NDUFAF6: variants seen among roughly 807,000 people sequenced by gnomAD.
NDUFAF6 encodes the protein NADH dehydrogenase (ubiquinone) complex I, assembly factor 6.
NDUFAF6 carries 45 observed loss-of-function variants against 40.8 expected under a neutral mutation model. The ratio of observed to expected loss-of-function variants is 1.10; its 90% CI spans 0.87 to 1.42. The LOEUF is 1.42. NDUFAF6 is among the 40% of genes most tolerant of loss of function. The pLI, the probability that NDUFAF6 is intolerant of heterozygous loss-of-function variation, is 0.00. For synonymous variants in NDUFAF6, 185 were observed against 155.9 expected (o/e 1.19, Z -1.39); for missense variants, 435 against 418.5 (o/e 1.04, Z -0.34).
At chr8:95,072,138 A>G (rs1832886812) in intron 9 of NDUFAF6, 1 of 152,186 alleles carries the variant, frequency 6.6e-6, no homozygotes, top group Non-Finnish European at 1.5e-5. Context: ...TCTCAATAAA[A>G]TGTTAGTTTC....
rs1388115171 is a variant in NDUFAF6, at chr8:94,967,163, T to C, written c.-199+8984T>C. Among the ~76,000 whole-genome samples the C allele has an allele frequency of 3.9e-5, 6 of 152,238 alleles. No individual in the cohort carries two copies. In the South Asian group the frequency reaches 6.2e-4, roughly 16 times the overall value. On this transcript the variant is annotated intron_variant, in intron 1 of 9. Transcript: ENST00000396111. ...TCATTAGGATGCTTTTAGTTACAAGTTCTTGAAAGCTGAGACCAAACTAGC... is the reference window on the plus strand; with the variant it reads ...TCATTAGGATGCTTTTAGTTACAAGCTCTTGAAAGCTGAGACCAAACTAGC...
At position 95,029,262 on chromosome 8, in the gene NDUFAF6, T is replaced by C. The variant is rs550340675; in HGVS notation, c.198-2733T>C. Among the ~76,000 whole-genome samples the C allele has an allele frequency of 2.5e-3, 385 of 152,328 alleles. 4 individuals are homozygous for C. Among genetic ancestry groups the C allele is most frequent in the African/African-American group, 8.8e-3 (367 of 41,556 alleles). ...TAAGTCATCTTTCCTGGAGTGAATA[T>C]GGTAAGGTCTATATGTTCATAACAT... is the stretch of plus-strand genomic sequence containing the variant. On this transcript the variant is annotated intron_variant, in intron 1 of 8. Transcript: ENST00000396124.
chr8:95,092,208 C>T (rs1461044418), intron 2 of NDUFAF6, among the ~76,000 whole-genome samples: 5 of 138,692 alleles, frequency 3.6e-5, no homozygotes, highest in African/African-American at 1.1e-4. Context: ...TGAAATGGGA[C>T]TCTCACTCTG....
chr8:95,014,395 G>T (rs1477577256), intron 2 of NDUFAF6, among the ~76,000 whole-genome samples: 3 of 152,196 alleles, frequency 2.0e-5, no homozygotes, highest in South Asian at 4.1e-4. Context: ...ACCAAGTCAG[G>T]GTACCTGATG....
intron 7 of NDUFAF6, among the ~76,000 whole-genome samples, chr8:95,050,080 G>C (rs1438606638): frequency 6.6e-6 from 1 of 152,142 alleles, no homozygotes; most frequent in East Asian, 1.9e-4. Context: ...AAATTACTTA[G>C]GACTAACTAG....
intron 9 of NDUFAF6, chr8:95,067,098 TGTCTC>T (rs1253401739): frequency 1.3e-5 from 2 of 152,252 alleles, no homozygotes; most frequent in Non-Finnish European, 2.9e-5. Context: ...AATTCACAAA[TGTCTC>T]AAAGCAGTTT....
At chr8:95,070,911 CT>C (rs1832827344) in intron 9 of NDUFAF6, among the ~76,000 whole-genome samples, 1 of 152,040 alleles carries the variant, frequency 6.6e-6, no homozygotes, top group African/African-American at 2.4e-5. Flanking sequence ...GTCATCTGCC[CT>C]TTATTACTTG....
chr8:95,069,688 G>A lies in NDUFAF6; in HGVS notation c.*512-5945G>A, dbSNP rs890945864. ...CCAGCTACTCGGGAGGCTGAGTCATGAGAATCGCTGGAACCCGGGAGGCAG... is the reference window on the plus strand; with the variant it reads ...CCAGCTACTCGGGAGGCTGAGTCATAAGAATCGCTGGAACCCGGGAGGCAG... On this transcript the variant is annotated intron_variant and NMD_transcript_variant, in intron 9 of 9. Transcript: ENST00000520757. Among the ~76,000 whole-genome samples, 6 of 150,260 alleles carry A rather than the reference G, an allele frequency of 4.0e-5. 1 individual carries two copies. The highest frequency in any genetic ancestry group is 1.5e-4 in the African/African-American group (6 of 40,344).
At chr8:95,051,059 C>G (rs966679245) in intron 7 of NDUFAF6, among the ~76,000 whole-genome samples, 7 of 151,962 alleles carry the variant, frequency 4.6e-5, no homozygotes, top group African/African-American at 1.7e-4. Context: ...AGGAGATGGA[C>G]TATTAAAAAA....
At chr8:94,974,204 A>G (rs1323747129) in intron 1 of NDUFAF6, among the ~76,000 whole-genome samples, 1 of 149,756 alleles carries the variant, frequency 6.7e-6, no homozygotes, top group Non-Finnish European at 1.5e-5. Flanking sequence ...GCAGGTGTCT[A>G]CTTAGAGCCA....
At position 94,934,389 on chromosome 8, in the gene NDUFAF6, A is replaced by AT. The variant is rs757874716; in HGVS notation, c.-935-11080dup. On this transcript the variant is annotated intron_variant, in intron 1 of 14. Coordinates refer to the NDUFAF6 transcript ENST00000396113. Reference sequence around the variant, plus strand: ...AAAGTGACTATTAATTATAAATTCTATTTTTTTTTTTTTTGAGACAGAGCC... The same window carrying AT: ...AAAGTGACTATTAATTATAAATTCTATTTTTTTTTTTTTTTGAGACAGAGCC... 1.0e-2 allele frequency among the ~76,000 whole-genome samples: 1,427 copies of AT among 143,240 alleles called. 15 individuals are homozygous for AT. Among genetic ancestry groups the AT allele is most frequent in the African/African-American group, 0.026 (1,005 of 39,340 alleles). The allele number at this position is 143,240 out of a possible 152,430, so 94.0% of individuals were successfully genotyped here.
intron 1 of NDUFAF6, among the ~76,000 whole-genome samples, chr8:94,968,833 G>T (rs1370189046): frequency 6.6e-6 from 1 of 152,156 alleles, no homozygotes; most frequent in African/African-American, 2.4e-5. Context: ...GTTGATGCAG[G>T]TGGGGAGGAG....
intron 3 of NDUFAF6, chr8:95,036,625 T>C: frequency 1.5e-6 from 1 of 687,958 alleles, no homozygotes; most frequent in South Asian, 1.9e-5. Context: ...AATCGGAGTA[T>C]AGTGGAGGTG....
rs1268625714 is a variant in NDUFAF6 at position 95,058,091 on chromosome 8, A to G, written c.*154A>G. Reference sequence around the variant, plus strand: ...CACAAAATTGAGAAGTTGCCGTGGGACTAGGGTGCCAAGACTGCTGAGATT... The same window carrying G: ...CACAAAATTGAGAAGTTGCCGTGGGGCTAGGGTGCCAAGACTGCTGAGATT... On this transcript the variant is annotated 3_prime_UTR_variant, in exon 9 of 9. Coordinates refer to ENST00000396124, the MANE Select transcript of NDUFAF6 (RefSeq NM_152416.4). 12 of 1,459,372 alleles carry G rather than the reference A, an allele frequency of 8.2e-6. No individual in the cohort carries two copies. Among genetic ancestry groups the G allele is most frequent in the South Asian group, 1.5e-5 (1 of 67,374 alleles). The allele number at this position is 1,459,372 out of a possible 1,614,324, so 90.4% of individuals were successfully genotyped here. A position where few individuals can be genotyped will look rare whatever the true frequency, so the allele number is the denominator to read the frequency against.
At position 95,113,974 on chromosome 8, in the gene NDUFAF6, G is replaced by A. The variant is rs372536117; in HGVS notation, n.345-1562G>A. The stretch of plus-strand genomic sequence containing the variant: ...TGAACAATGAGATCACATGGACACA[G>A]GAAGGGGAACATCACACTCTGGGGA... On this transcript the variant is annotated intron_variant and non_coding_transcript_variant, in intron 4 of 5. Coordinates refer to the NDUFAF6 transcript ENST00000523184. Among the ~76,000 whole-genome samples the A allele has an allele frequency of 3.7e-4, 55 of 147,492 alleles. 2 individuals carry two copies. In the East Asian group the frequency reaches 7.1e-3, roughly 19 times the overall value.
intron 2 of NDUFAF6, among the ~76,000 whole-genome samples, chr8:95,013,713 A>G (rs1827321001): frequency 6.6e-6 from 1 of 152,236 alleles, no homozygotes; most frequent in Admixed American, 6.5e-5. Flanking sequence ...AAACATAAGT[A>G]TATAATATGT....
At chr8:95,036,550 T>G in intron 3 of NDUFAF6, 1 of 1,229,016 alleles carries the variant, frequency 8.1e-7, no homozygotes. Context: ...AAGCTCAACC[T>G]AGGTGACTCA....
chr8:95,036,251 A>T, intron 3 of NDUFAF6: 1 of 1,208,122 alleles, frequency 8.3e-7, no homozygotes, highest in Non-Finnish European at 1.1e-6. Flanking sequence ...TGAGAGGAGG[A>T]AGGGAATTAG....
chr8:95,057,419 C>T (rs926683878), intron 8 of NDUFAF6, among the ~76,000 whole-genome samples: 8 of 152,070 alleles, frequency 5.3e-5, no homozygotes, highest in African/African-American at 1.9e-4. Flanking sequence ...ACTTGAGCTC[C>T]CCCTCATGGT....
Sources: gnomAD v4.1 joint callset for allele counts (sites outside exome capture counted in the v4.1 genomes callset) on GRCh38, gnomAD v4.1.1 for gene constraint, MANE v1.5 for transcripts, NCBI Gene and HGNC (gene_info 2026-07-23, HGNC 2026-07-21) for gene names.